Variants in PFAS observed in about 807,000 individuals in gnomAD.
The protein encoded by PFAS is FGAM synthase.
In PFAS, 97 loss-of-function variants were observed where a neutral mutation model predicts 140.6. The ratio of observed to expected loss-of-function variants is 0.69; its 90% CI spans 0.59 to 0.82. PFAS has a LOEUF of 0.82. Ranked by LOEUF, PFAS falls within the 40% of genes least tolerant of loss-of-function variation. The pLI is 0.00. For missense variants in PFAS, 1,656 were observed against 1,780.2 expected, an observed-to-expected ratio of 0.93 and a Z score of 1.26; for synonymous variants, 679 against 718.8, an observed-to-expected ratio of 0.94 and a Z score of 0.88.
intron 15 of PFAS, 72 bp downstream of exon 15, chr17:8,264,008 G>A: frequency 6.4e-7 from 1 of 1,555,538 alleles, no homozygotes; most frequent in South Asian, 1.1e-5. Context: ...GCTAGAGGGA[G>A]AGCTGTCAAG....
rs1348160649 is a variant in PFAS, at chr17:8,267,771, CGAGA to C, written c.3382+110_3382+113del. On this transcript the variant is annotated intron_variant, in intron 26 of 27. Transcript: ENST00000314666. This position sits in a 1 kb window ranked among gnomAD's most constrained non-coding sequence, Gnocchi z 4.9. ...ATTGGCCTCTCACTCCACCGAGCTA[CGAGA>C]GAGTGGGCCCATTCGTTCTGGGCCA... The C allele has an allele frequency of 1.6e-6, 1 of 610,126 alleles. No homozygotes were observed. The highest frequency in any genetic ancestry group is 2.8e-5 in the East Asian group (1 of 35,214). The allele number at this position is 610,126 out of a possible 1,614,324, so 37.8% of individuals were successfully genotyped here.
In PFAS at chr17:8,263,128, G is replaced by C; in HGVS notation, c.1430G>C (p.Ser477Thr). The C allele has an allele frequency of 1.2e-6, 2 of 1,614,140 alleles. No homozygotes were observed. Among genetic ancestry groups the C allele is most frequent in the Non-Finnish European group, 1.7e-6 (2 of 1,179,942 alleles). The change falls in exon 13 of 28, where the codon AGT becomes ACT. Residue 477 changes from serine (S) to threonine (T), a missense_variant. Coordinates refer to ENST00000314666, the MANE Select transcript of PFAS (RefSeq NM_012393.3). ...SSVQVQGDNT[S>T]DLDFGAVQRG... is the part of the protein sequence containing the mutation. ...CCCCAGGTGCAGGGAGATAACACCA[G>C]TGACCTGGACTTTGGGGCTGTGCAG...
rs1989755515 is a variant in PFAS at position 8,265,071 on chromosome 17, G to A, written c.2226G>A (p.Leu742=). The part of the protein sequence containing the change: ...SLLDPKVAAR[L]AVAEALTNLV... ...TGGACCCAAAAGTCGCCGCCCGGCT[G>A]GCCGTGGCCGAAGCCCTCACCAACC... Residue 742 remains leucine (L), a synonymous_variant, in exon 18 of 28, where the codon CTG becomes CTA. Transcript: ENST00000314666. 1 of 1,613,458 alleles carries A rather than the reference G, an allele frequency of 6.2e-7. No homozygotes were observed. The highest frequency in any genetic ancestry group is 2.2e-5 in the East Asian group (1 of 44,882).
intron 26 of PFAS, 38 bp from the exon 27 acceptor site, chr17:8,268,495 C>A: frequency 2.7e-6 from 4 of 1,501,624 alleles, no homozygotes; most frequent in Non-Finnish European, 3.7e-6. Context: ...TTTTTGAGGT[C>A]CTCCATGTCT....
At chr17:8,248,162 G>T, upstream of PFAS, 2 of 738,258 alleles carry the variant, frequency 2.7e-6, no homozygotes, top group Non-Finnish European at 4.8e-6. Flanking sequence ...CCTTCTCGCT[G>T]CTCACCCCCT....
At chr17:8,248,012 G>T, upstream of PFAS, 7 of 1,610,034 alleles carry the variant, frequency 4.3e-6, no homozygotes, top group Non-Finnish European at 5.9e-6. Context: ...ACGGAGGAAG[G>T]GACCTGGGCC....
At chr17:8,253,009 G>A (rs1042213718) in intron 1 of PFAS, among the ~76,000 whole-genome samples, 2 of 152,050 alleles carry the variant, frequency 1.3e-5, no homozygotes, top group Non-Finnish European at 2.9e-5. Flanking sequence ...ACCTAATTAC[G>A]TCCCAGAGGC....
intron 10 of PFAS, 22 bp downstream of exon 10, chr17:8,257,960 A>G: frequency 6.2e-7 from 1 of 1,613,464 alleles, no homozygotes; most frequent in Non-Finnish European, 8.5e-7. Flanking sequence ...GTGTGGAGGG[A>G]TGACAAACAC....
At chr17:8,265,790 A>C in intron 20 of PFAS, 72 bp from the exon 21 acceptor site, 1 of 1,370,916 alleles carries the variant, frequency 7.3e-7, no homozygotes, top group Non-Finnish European at 1.0e-6. Flanking sequence ...TGGGAATAGC[A>C]GTGCTGTGAG....
rs575574381 is a variant in PFAS at position 8,252,016 on chromosome 17, C to T, written c.-79-1843C>T. On this transcript the variant is annotated intron_variant, in intron 1 of 27. Transcript: ENST00000314666. ...TTTTTTGTTTTAATAATTTATGGGT[C>T]GGAATGGTGGCGCACGCCTGTAATC... 6.3e-4 allele frequency among the ~76,000 whole-genome samples: 95 copies of T among 151,878 alleles called. 1 individual carries two copies. Among genetic ancestry groups the T allele is most frequent in the African/African-American group, 1.9e-3 (77 of 41,466 alleles).
At chr17:8,260,854 G>A (rs969567153) in intron 11 of PFAS, among the ~76,000 whole-genome samples, 4 of 152,142 alleles carry the variant, frequency 2.6e-5, no homozygotes, top group Admixed American at 1.3e-4. Flanking sequence ...TCTATCTCCC[G>A]ATCTCGTGAT....
At position 8,269,110 on chromosome 17, in the gene PFAS, A is replaced by G; in HGVS notation, c.3863A>G (p.Asp1288Gly). The G allele has an allele frequency of 6.2e-7, 1 of 1,614,032 alleles. No homozygotes were observed. The highest frequency in any genetic ancestry group is 8.5e-7 in the Non-Finnish European group (1 of 1,179,998). The change falls in exon 28 of 28, where the codon GAT (aspartate) becomes GGT (glycine). Residue 1288 changes from aspartate (D) to glycine (G), a missense_variant. Physicochemically the swap from Asp to Gly is moderately conservative, Grantham distance 94 (BLOSUM62 -1). Around this residue, in one of 2 missense-constraint regions of PFAS, gnomAD observed 883 missense variants for 1,023.0 expected, o/e 0.86. Transcript: ENST00000314666. ...PGGVAGICSC[D>G]GRHLAVMPHP... is the part of the protein sequence containing the mutation. ...GGCGTGGCTGGCATCTGCTCCTGTG[A>G]TGGCCGCCACCTGGCTGTCATGCCT... is the stretch of plus-strand genomic sequence containing the variant.
chr17:8,267,643 A>G lies in PFAS; in HGVS notation c.3360A>G (p.Ala1120=), dbSNP rs372975671. 3.1e-6 allele frequency: 5 copies of G among 1,602,918 alleles called. No individual in the cohort carries two copies. Among genetic ancestry groups the G allele is most frequent in the Non-Finnish European group, 4.3e-6 (5 of 1,170,068 alleles). ...CCTTCGTGGGCGGCTTCAGCTATGC[A>G]GATGTCCTGGGCTCTGCCAAAGGTC... ...GVAFVGGFSY[A]DVLGSAKGWA... Residue 1120 remains alanine, a synonymous_variant, in exon 26 of 28, where the codon GCA becomes GCG. Transcript: ENST00000314666. This position sits in a 1 kb window ranked among gnomAD's most constrained non-coding sequence, Gnocchi z 4.9.
In PFAS at chr17:8,262,909, CCTT is replaced by C. The variant is rs529257349; in HGVS notation, c.1337-7_1337-5del. ...TCCCCAGTGTTCTGATTCTGCCTTCCCTTCTTACAGGCATGGAAGTTGTAAAGG... is the reference window on the plus strand; with the variant it reads ...TCCCCAGTGTTCTGATTCTGCCTTCCCTTACAGGCATGGAAGTTGTAAAGG... On this transcript the variant is annotated splice_region_variant and splice_polypyrimidine_tract_variant and intron_variant, in intron 11 of 27. Coordinates refer to ENST00000314666, the MANE Select transcript of PFAS (RefSeq NM_012393.3). 109 of 1,611,976 alleles carry C rather than the reference CCTT, an allele frequency of 6.8e-5. 1 individual carries two copies. In the East Asian group the frequency reaches 2.2e-3, roughly 33 times the overall value.
intron 27 of PFAS, 46 bp downstream of exon 27, chr17:8,268,902 A>C (rs768251883): frequency 1.9e-6 from 3 of 1,611,558 alleles, no homozygotes; most frequent in Non-Finnish European, 2.5e-6. Context: ...GTTGGGGGCA[A>C]GGGTGGGCAT....
rs754807948 is a variant in PFAS at position 8,256,399 on chromosome 17, T to C, written c.813T>C (p.Asp271=). The C allele has an allele frequency of 1.2e-6, 2 of 1,614,056 alleles. No individual in the cohort carries two copies. The highest frequency in any genetic ancestry group is 2.2e-5 in the South Asian group (2 of 91,082). ...CCAACAACGTCCTCAAATTCTGTGA[T>C]AACAGCAGGTGCTGTGCCCTAGACT... ...SNPNNVLKFC[D]NSSAIQGKEV... Residue 271 remains aspartate, a synonymous_variant, in exon 7 of 28, where the codon GAT becomes GAC. Coordinates refer to ENST00000314666, the MANE Select transcript of PFAS (RefSeq NM_012393.3).
In PFAS at chr17:8,269,232, G is replaced by A; in HGVS notation, c.3985G>A (p.Ala1329Thr). The A allele has an allele frequency of 6.2e-7, 1 of 1,611,636 alleles. No individual in the cohort carries two copies. Among genetic ancestry groups the A allele is most frequent in the Non-Finnish European group, 8.5e-7 (1 of 1,178,534 alleles). ...TSPWLQLFIN[A>T]RNWTLEGSC ...CCCCTGGCTCCAGCTCTTTATCAAT[G>A]CCCGAAACTGGACCCTGGAAGGGAG... The change falls in exon 28 of 28, where the codon GCC becomes ACC. Residue 1329 changes from alanine to threonine, a missense_variant. This residue lies in a region of PFAS where 883 missense variants were observed against 1,023.0 expected (regional missense o/e 0.86). Transcript: ENST00000314666.
Position 8,263,188 on chromosome 17 carries a change from G to C in PFAS, c.1490G>C (p.Arg497Pro). The C allele has an allele frequency of 6.2e-7, 1 of 1,614,000 alleles. No individual in the cohort carries two copies. Among genetic ancestry groups the C allele is most frequent in the Non-Finnish European group, 8.5e-7 (1 of 1,179,848 alleles). Residue 497 changes from arginine to proline, a missense_variant, in exon 13 of 28, where the codon CGT becomes CCT. Physicochemically the swap from Arg to Pro is moderately radical, Grantham distance 103. This residue lies in a region of PFAS where 773 missense variants were observed against 757.3 expected (regional missense o/e 1.02). Coordinates refer to ENST00000314666, the MANE Select transcript of PFAS (RefSeq NM_012393.3). The stretch of plus-strand genomic sequence containing the variant: ...CCGGAGATGGAACAGAAGATGAACC[G>C]TGTGATCAGGGCTTGTGTGGAGGCC... ...GDPEMEQKMNRVIRACVEAPK... is the reference protein window; with the variant it reads ...GDPEMEQKMNPVIRACVEAPK...
rs1160127957 is a variant in PFAS, at chr17:8,263,764, T to C, written c.1630-11T>C. On this transcript the variant is annotated splice_polypyrimidine_tract_variant and intron_variant, in intron 14 of 27. Coordinates refer to ENST00000314666, the MANE Select transcript of PFAS (RefSeq NM_012393.3). ...TGGCCCTTCTCTTTCCTCCCCGCCG[T>C]GGCTGTGCAGCTTGGGGACCCAACC... The C allele has an allele frequency of 1.9e-6, 3 of 1,612,452 alleles. No homozygotes were observed. Among genetic ancestry groups the C allele is most frequent in the Non-Finnish European group, 2.5e-6 (3 of 1,178,756 alleles).
Sources: gnomAD v4.1 joint callset for allele counts (sites outside exome capture counted in the v4.1 genomes callset) on GRCh38, gnomAD v4.1.1 for gene constraint, gnomAD v4.1.1 regional missense constraint, Gnocchi (gnomAD v3.1) non-coding constraint, MANE v1.5 for transcripts, NCBI Gene and HGNC (gene_info 2026-07-23, HGNC 2026-07-21) for gene names.